The following SLC5A8 variants were observed in gnomAD, a reference collection of about 807,000 sequenced individuals.
SLC5A8 encodes solute carrier family 5 member 8.
Under a neutral mutation model 71.9 loss-of-function variants are expected in SLC5A8, and 55 were observed. The ratio of observed to expected loss-of-function variants is 0.77; its 90% CI spans 0.62 to 0.96. The LOEUF is 0.96. Among genes scored for constraint, SLC5A8 ranks in the 40% least tolerant of loss-of-function variants. The pLI is 0.00. For synonymous variants in SLC5A8, 307 were observed against 276.1 expected (o/e 1.11, Z -1.11); for missense variants, 701 against 745.3 (o/e 0.94, Z 0.69).
chr12:101,199,639 AAAAG>A (rs1869351420), intron 3 of SLC5A8, among the ~76,000 whole-genome samples: 1 of 152,012 alleles, frequency 6.6e-6, no homozygotes, highest in African/African-American at 2.4e-5. Flanking sequence ...ACTGAAATAA[AAAAG>A]AATAATATCA....
intron 13 of SLC5A8, among the ~76,000 whole-genome samples, chr12:101,159,809 A>T (rs959814201): frequency 1.3e-5 from 2 of 152,246 alleles, no homozygotes; most frequent in Non-Finnish European, 2.9e-5. Context: ...TAAGGACCAA[A>T]GGGCAAATAG....
intron 14 of SLC5A8, among the ~76,000 whole-genome samples, chr12:101,157,619 A>G (rs2051678130): frequency 6.6e-6 from 1 of 152,182 alleles, no homozygotes; most frequent in Non-Finnish European, 1.5e-5. Flanking sequence ...CCATCAGACA[A>G]TAGATATACA....
At chr12:101,191,201 T>C (rs1017751242) in intron 5 of SLC5A8, among the ~76,000 whole-genome samples, 8 of 152,228 alleles carry the variant, frequency 5.3e-5, no homozygotes, top group African/African-American at 1.7e-4. Context: ...TACTAATAGT[T>C]TAAAGCCACT....
At chr12:101,159,133 C>T (rs928474802) in intron 13 of SLC5A8, among the ~76,000 whole-genome samples, 3 of 152,088 alleles carry the variant, frequency 2.0e-5, no homozygotes, top group African/African-American at 7.2e-5. Flanking sequence ...AGGACCTCTG[C>T]AGGTAGGACC....
At chr12:101,183,413 C>T (rs1487948425) in intron 8 of SLC5A8, among the ~76,000 whole-genome samples, 1 of 152,142 alleles carries the variant, frequency 6.6e-6, no homozygotes, top group Non-Finnish European at 1.5e-5. Flanking sequence ...AAATGATATT[C>T]AGGCAATATC....
intron 5 of SLC5A8, 46 bp downstream of exon 5, chr12:101,193,579 T>C (rs779302776): frequency 3.2e-6 from 5 of 1,546,162 alleles, no homozygotes; most frequent in African/African-American, 1.4e-5. Context: ...ATTATTTTTA[T>C]AGAATACAAA....
At chr12:101,173,997 T>A (rs2137134189) in intron 10 of SLC5A8, among the ~76,000 whole-genome samples, 1 of 152,264 alleles carries the variant, frequency 6.6e-6, no homozygotes, top group Non-Finnish European at 1.5e-5. Context: ...GGCAGGTTTT[T>A]CATGGTGGCA....
chr12:101,183,676 AC>A (rs1868474365), intron 8 of SLC5A8, among the ~76,000 whole-genome samples: 1 of 152,230 alleles, frequency 6.6e-6, no homozygotes, highest in South Asian at 2.1e-4. Flanking sequence ...ATTCTCTGGA[AC>A]AAACGCAAGG....
intron 12 of SLC5A8, 73 bp from the exon 13 acceptor site, chr12:101,162,150 C>A: frequency 1.1e-6 from 1 of 948,778 alleles, no homozygotes; most frequent in Non-Finnish European, 1.7e-6. Context: ...ACCAGTGATT[C>A]CCATGGCAAG....
chr12:101,188,429 G>A (rs1226617279), intron 6 of SLC5A8, among the ~76,000 whole-genome samples: 1 of 152,088 alleles, frequency 6.6e-6, no homozygotes, highest in Non-Finnish European at 1.5e-5. Flanking sequence ...TGGAAAAGAG[G>A]TACCATCCCT....
intron 10 of SLC5A8, among the ~76,000 whole-genome samples, chr12:101,170,488 T>C (rs1204348144): frequency 6.6e-6 from 1 of 152,156 alleles, no homozygotes; most frequent in Non-Finnish European, 1.5e-5. Context: ...GTTTTCTTTT[T>C]GCTTCATGTA....
rs150674408 is a variant in SLC5A8 at position 101,160,059 on chromosome 12, G to A, written c.1631-1731C>T. Among the ~76,000 whole-genome samples, 482 of 152,258 alleles carry A rather than the reference G, an allele frequency of 3.2e-3. 5 individuals are homozygous for A. The highest frequency in any genetic ancestry group is 0.011 in the African/African-American group (462 of 41,540). ...TAGCCGGGCGTGGTGGTGCGTGCCT[G>A]TAGTCCCAGCTACTCGGGAAGCTGA... On this transcript the variant is annotated intron_variant, in intron 13 of 14. Transcript: ENST00000536262.
At chr12:101,180,973 A>G (rs1206998175) in intron 9 of SLC5A8, among the ~76,000 whole-genome samples, 3 of 152,206 alleles carry the variant, frequency 2.0e-5, no homozygotes, top group Non-Finnish European at 4.4e-5. Context: ...CTTTTAAATT[A>G]TAGGAAATAT....
intron 7 of SLC5A8, among the ~76,000 whole-genome samples, chr12:101,184,759 G>A (rs545340269): frequency 6.6e-6 from 1 of 152,124 alleles, no homozygotes; most frequent in Non-Finnish European, 1.5e-5. Context: ...GGTGCATCAG[G>A]TACGAGACAT....
intron 8 of SLC5A8, 141 bp downstream of exon 8, chr12:101,183,993 G>T: frequency 1.4e-6 from 1 of 721,906 alleles, no homozygotes; most frequent in Non-Finnish European, 2.3e-6. Flanking sequence ...TCAGACCACA[G>T]AGAGGACACA....
chr12:101,164,532 T>C (rs2051751335), intron 12 of SLC5A8, among the ~76,000 whole-genome samples: 1 of 152,210 alleles, frequency 6.6e-6, no homozygotes. Context: ...ACAACCCTTG[T>C]GCTCCAGCCC....
chr12:101,200,440 AAAAG>A (rs751511585), intron 3 of SLC5A8, among the ~76,000 whole-genome samples: 15 of 152,236 alleles, frequency 9.9e-5, no homozygotes, highest in Admixed American at 3.3e-4. Context: ...TGGTCAGGAA[AAAAG>A]AAAGAAAGAA....
chr12:101,188,750 C>T (rs1184570811), intron 6 of SLC5A8, among the ~76,000 whole-genome samples: 1 of 152,228 alleles, frequency 6.6e-6, no homozygotes, highest in African/African-American at 2.4e-5. Context: ...TTATCCTTCT[C>T]CCTTGAATTG....
chr12:101,183,863 C>T (rs749366414), intron 8 of SLC5A8, among the ~76,000 whole-genome samples: 20 of 152,098 alleles, frequency 1.3e-4, no homozygotes, highest in African/African-American at 3.4e-4. Context: ...TACCATCAAC[C>T]GATCGTCATT....
Sources: allele counts gnomAD v4.1 joint callset (sites outside exome capture counted in the v4.1 genomes callset), GRCh38; gene constraint gnomAD v4.1.1; transcripts MANE v1.5; gene names NCBI Gene and HGNC (gene_info 2026-07-23, HGNC 2026-07-21).